FAM53B: variants seen among roughly 807,000 people sequenced by gnomAD.
The protein encoded by FAM53B is family with sequence similarity 53 member B.
FAM53B carries 12 observed loss-of-function variants against 32.7 expected under a neutral mutation model. The observed-to-expected ratio is 0.37, with a 90% confidence interval of 0.24 to 0.59. The LOEUF (loss-of-function observed/expected upper bound fraction) is 0.59. FAM53B is among the 20% of genes least tolerant of loss of function. The probability of loss-of-function intolerance (pLI) is 0.72; values close to 1 mark genes in which losing one functional copy is unlikely to be tolerated. For synonymous variants in FAM53B, 234 were observed against 228.7 expected (o/e 1.02, Z -0.21); for missense variants, 477 against 577.7 (o/e 0.83, Z 1.79).
At chr10:124,632,775 C>T (rs563157426) in intron 4 of FAM53B, among the ~76,000 whole-genome samples, 52 of 152,344 alleles carry the variant, frequency 3.4e-4, no homozygotes, top group Admixed American at 9.8e-4. Context: ...GGAGAAGGGA[C>T]ATGCCCCAGA....
At chr10:124,688,772 C>T (rs1258292938) in intron 3 of FAM53B, among the ~76,000 whole-genome samples, 3 of 152,168 alleles carry the variant, frequency 2.0e-5, no homozygotes, top group South Asian at 2.1e-4. Flanking sequence ...CAGAGGAATA[C>T]GAATGGCATT....
chr10:124,672,929 G>T (rs1336581808), intron 4 of FAM53B, among the ~76,000 whole-genome samples: 4 of 152,184 alleles, frequency 2.6e-5, no homozygotes, highest in African/African-American at 4.8e-5. Flanking sequence ...AAGAAATACA[G>T]TCAAAGTGAG....
At chr10:124,699,346 A>C (rs1050176955) in intron 2 of FAM53B, among the ~76,000 whole-genome samples, 9 of 152,230 alleles carry the variant, frequency 5.9e-5, no homozygotes, top group African/African-American at 1.9e-4. Flanking sequence ...TTCACTGGGC[A>C]GAAGTCACTG....
intron 4 of FAM53B, among the ~76,000 whole-genome samples, chr10:124,665,622 C>T (rs1444152305): frequency 6.6e-6 from 1 of 152,216 alleles, no homozygotes; most frequent in Non-Finnish European, 1.5e-5. Flanking sequence ...ATTATGGATC[C>T]TGCTAGATGG....
chr10:124,685,937 A>G (rs532737694), intron 3 of FAM53B, among the ~76,000 whole-genome samples: 1 of 152,322 alleles, frequency 6.6e-6, no homozygotes, highest in East Asian at 1.9e-4. Flanking sequence ...TTTCCGGGAA[A>G]GAAGACAAGC....
intron 4 of FAM53B, among the ~76,000 whole-genome samples, chr10:124,663,566 G>A (rs1261089259): frequency 6.6e-6 from 1 of 152,154 alleles, no homozygotes; most frequent in Non-Finnish European, 1.5e-5. Flanking sequence ...CATATTGAAG[G>A]AGCTCGCGAT....
chr10:124,696,279 G>T, intron 2 of FAM53B, 67 bp from the exon 3 acceptor site: 1 of 1,319,684 alleles, frequency 7.6e-7, no homozygotes, highest in Non-Finnish European at 1.1e-6. Flanking sequence ...TGACTCTACT[G>T]ATCCCTTCTA....
At chr10:124,663,131 C>A (rs1204086446) in intron 4 of FAM53B, among the ~76,000 whole-genome samples, 1 of 152,246 alleles carries the variant, frequency 6.6e-6, no homozygotes, top group Non-Finnish European at 1.5e-5. Context: ...GACCACAAGG[C>A]AGGCTGCTTC....
chr10:124,686,279 G>A (rs1243380915), intron 3 of FAM53B, among the ~76,000 whole-genome samples: 2 of 152,186 alleles, frequency 1.3e-5, no homozygotes. Flanking sequence ...AAAACCCAGG[G>A]GCATCAGAGC....
chr10:124,661,375 G>A (rs1949630254), intron 4 of FAM53B, among the ~76,000 whole-genome samples: 1 of 152,220 alleles, frequency 6.6e-6, no homozygotes, highest in Admixed American at 6.5e-5. Context: ...GAGAGGCCCA[G>A]GAGCAGAAGG....
rs772839833 is a variant in FAM53B, at chr10:124,682,216, G to A, written c.297C>T (p.Ser99=). Residue 99 remains serine (S), a synonymous_variant, in exon 4 of 5, where the codon AGC becomes AGT. Transcript: ENST00000337318. This position sits in a 1 kb window ranked among gnomAD's most constrained non-coding sequence, Gnocchi z 5.2. Reference sequence around the variant, plus strand: ...GTGCTGAGGGGTTCCCGTTGTGGTCGCTGATGCTGAGGTCTTTGATCAGAC... The same window carrying A: ...GTGCTGAGGGGTTCCCGTTGTGGTCACTGATGCTGAGGTCTTTGATCAGAC... ...VTSLIKDLSI[S]DHNGNPSAPP... 30 of 1,613,838 alleles carry A rather than the reference G, an allele frequency of 1.9e-5. No individual in the cohort carries two copies. Among genetic ancestry groups the A allele is most frequent in the Non-Finnish European group, 2.2e-5 (26 of 1,179,986 alleles).
At chr10:124,717,455 C>T (rs1227424284) in intron 1 of FAM53B, among the ~76,000 whole-genome samples, 1 of 152,250 alleles carries the variant, frequency 6.6e-6, no homozygotes, top group African/African-American at 2.4e-5. Flanking sequence ...CTATGCTGGC[C>T]TTTCCAGTCC....
At chr10:124,742,851 ACCGAGT>A (rs1437786765) in intron 1 of FAM53B, 1 of 152,042 alleles carries the variant, frequency 6.6e-6, no homozygotes, top group African/African-American at 2.4e-5. Flanking sequence ...TCCTAACACC[ACCGAGT>A]CCGGAGATTG....
intron 1 of FAM53B, among the ~76,000 whole-genome samples, chr10:124,730,605 T>A (rs1950136390): frequency 6.6e-6 from 1 of 152,226 alleles, no homozygotes; most frequent in African/African-American, 2.4e-5. Flanking sequence ...TGGGACACAG[T>A]CTCGTGTGCT....
At chr10:124,692,297 C>G (rs563636305) in intron 3 of FAM53B, among the ~76,000 whole-genome samples, 27 of 152,252 alleles carry the variant, frequency 1.8e-4, no homozygotes, top group African/African-American at 6.3e-4. Context: ...CTGAGAAGAA[C>G]AAAACCACTT....
At chr10:124,739,975 C>T (rs974737178) in intron 1 of FAM53B, among the ~76,000 whole-genome samples, 5 of 151,930 alleles carry the variant, frequency 3.3e-5, no homozygotes, top group East Asian at 1.9e-4. Context: ...ACAAAAAAAA[C>T]GACAAGAAAA....
intron 4 of FAM53B, among the ~76,000 whole-genome samples, chr10:124,680,975 A>G (rs1256354517): frequency 6.6e-6 from 1 of 152,246 alleles, no homozygotes; most frequent in Non-Finnish European, 1.5e-5. Context: ...GATCAGTGTT[A>G]GCACAAGGCA....
chr10:124,678,342 G>C (rs1949749435), intron 4 of FAM53B, among the ~76,000 whole-genome samples: 1 of 152,192 alleles, frequency 6.6e-6, no homozygotes, highest in Non-Finnish European at 1.5e-5. Context: ...CATATCAACA[G>C]ATGTGGACAC....
intron 4 of FAM53B, among the ~76,000 whole-genome samples, chr10:124,677,913 G>C (rs1329803885): frequency 6.6e-6 from 1 of 152,136 alleles, no homozygotes; most frequent in South Asian, 2.1e-4. Context: ...GACAAGGGGG[G>C]GTGAATCCAA....
Sources: gnomAD v4.1 joint callset for allele counts (sites outside exome capture counted in the v4.1 genomes callset) on GRCh38, gnomAD v4.1.1 for gene constraint, Gnocchi (gnomAD v3.1) non-coding constraint, MANE v1.5 for transcripts, NCBI Gene and HGNC (gene_info 2026-07-23, HGNC 2026-07-21) for gene names.